Variants in DUSP13B observed in about 807,000 individuals in gnomAD.
DUSP13B encodes the protein dual specificity phosphatase 13B, also known as dual specificity protein phosphatase 13B.
the DUSP13B span, chr10:75,095,900 G>T: frequency 1.0e-5 from 11 of 1,090,260 alleles, no homozygotes; most frequent in Non-Finnish European, 1.5e-5. Context: ...ACCCACCAAG[G>T]GTAGAGACAA....
At chr10:75,105,516 G>C in the DUSP13B span, 4 of 840,290 alleles carry the variant, frequency 4.8e-6, no homozygotes, top group Non-Finnish European at 7.3e-6. Context: ...TTGGAGAGAG[G>C]GCCAGGCCCC....
At chr10:75,101,194 T>A in the DUSP13B span, among the ~76,000 whole-genome samples, 3 of 152,074 alleles carry the variant, frequency 2.0e-5, no homozygotes, top group Non-Finnish European at 4.4e-5. Flanking sequence ...TGGGTAGAAA[T>A]CTCAGGTCTG....
At chr10:75,095,670 T>C in the DUSP13B span, 1 of 1,614,174 alleles carries the variant, frequency 6.2e-7, no homozygotes, top group Admixed American at 1.7e-5. Context: ...CTCGATGCCA[T>C]AGTACTCCAG....
the DUSP13B span, chr10:75,094,644 C>T: frequency 1.2e-6 from 2 of 1,609,568 alleles, no homozygotes; most frequent in Non-Finnish European, 8.5e-7. Context: ...TGGGGTTGGG[C>T]CAAGGGTCAG....
the DUSP13B span, chr10:75,099,017 G>C: frequency 8.1e-7 from 1 of 1,232,310 alleles, no homozygotes. Context: ...CAGGCCCTGG[G>C]TTTTCCTCCT....
the DUSP13B span, chr10:75,094,954 G>T: frequency 7.6e-7 from 1 of 1,308,004 alleles, no homozygotes; most frequent in Non-Finnish European, 1.1e-6. Flanking sequence ...AGACACCCAT[G>T]GCCATCCTCT....
chr10:75,101,762 C>T, the DUSP13B span: 1 of 762,866 alleles, frequency 1.3e-6, no homozygotes, highest in Non-Finnish European at 2.0e-6. Context: ...TCTACCCAAC[C>T]CAAACCCCAC....
At chr10:75,104,287 A>G in the DUSP13B span, among the ~76,000 whole-genome samples, 474 of 152,266 alleles carry the variant, frequency 3.1e-3, 2 homozygotes, top group African/African-American at 0.011. Context: ...TTAGGGACAG[A>G]GATGACCTCT....
the DUSP13B span, among the ~76,000 whole-genome samples, chr10:75,106,414 CT>C: frequency 4.6e-5 from 7 of 152,140 alleles, no homozygotes; most frequent in African/African-American, 1.7e-4. Flanking sequence ...ATTGTTTCCC[CT>C]GGTCTCGGTC....
the DUSP13B span, chr10:75,098,008 A>T: frequency 1.2e-5 from 10 of 828,008 alleles, no homozygotes; most frequent in Non-Finnish European, 1.8e-5. Context: ...GGCTTCATCT[A>T]TTTCACATGA....
chr10:75,107,980 C>A, the DUSP13B span: 2 of 1,605,894 alleles, frequency 1.2e-6, no homozygotes, highest in Admixed American at 1.7e-5. Flanking sequence ...GGGCTTGGAC[C>A]CCAAGTCCTA....
chr10:75,094,910 C>A, the DUSP13B span: 1 of 1,604,368 alleles, frequency 6.2e-7, no homozygotes, highest in Non-Finnish European at 8.5e-7. Flanking sequence ...CATCAGCTAC[C>A]TGCCCTTGAA....
the DUSP13B span, chr10:75,105,552 A>G: frequency 9.8e-6 from 11 of 1,119,616 alleles, no homozygotes; most frequent in African/African-American, 1.2e-4. Flanking sequence ...CCAGCCACAC[A>G]CAGCCCTGCC....
the DUSP13B span, chr10:75,094,539 C>T: frequency 2.1e-6 from 2 of 948,568 alleles, no homozygotes; most frequent in Non-Finnish European, 3.1e-6. Context: ...AGGTCACCAC[C>T]CAGCTATCCC....
At chr10:75,097,713 C>A in the DUSP13B span, 2 of 1,569,982 alleles carry the variant, frequency 1.3e-6, no homozygotes, top group Middle Eastern at 1.7e-4. Context: ...CTTACTCACG[C>A]ATCTCCCAGG....
the DUSP13B span, chr10:75,101,771 A>ACC: frequency 2.4e-6 from 1 of 408,860 alleles, no homozygotes; most frequent in Non-Finnish European, 4.9e-6. Context: ...CCCAAACCCC[A>ACC]CCCCTCCCCA....
At chr10:75,094,914 C>T in the DUSP13B span, 1 of 1,590,462 alleles carries the variant, frequency 6.3e-7, no homozygotes, top group Non-Finnish European at 8.6e-7. Context: ...AGCTACCTGC[C>T]CTTGAACCAC....
chr10:75,102,020 C>G, the DUSP13B span: 2 of 1,268,460 alleles, frequency 1.6e-6, no homozygotes, highest in Non-Finnish European at 2.1e-6. Flanking sequence ...CTTCCAGCCT[C>G]CCCTGCCACT....
the DUSP13B span, chr10:75,095,431 T>G: frequency 1.4e-6 from 1 of 707,770 alleles, no homozygotes; most frequent in Non-Finnish European, 2.4e-6. Flanking sequence ...ACTCACTGAA[T>G]GGTAGTAGCT....
Sources: allele counts gnomAD v4.1 joint callset (sites outside exome capture counted in the v4.1 genomes callset), GRCh38; gene constraint gnomAD v4.1.1; transcripts MANE v1.5; gene names NCBI Gene and HGNC (gene_info 2026-07-23, HGNC 2026-07-21).